SP9: variants seen among roughly 807,000 people sequenced by gnomAD.
SP9 encodes Sp9 transcription factor.
In SP9, 5 loss-of-function variants were observed where a neutral mutation model predicts 23.0. The observed-to-expected ratio is 0.22, with a 90% CI of 0.11 to 0.46. SP9 has a LOEUF of 0.46. SP9 is among the 20% of genes least tolerant of loss of function. The probability of loss-of-function intolerance (pLI) is 0.99; values close to 1 mark genes in which losing one functional copy is unlikely to be tolerated. For synonymous variants in SP9, 360 were observed against 356.5 expected, an observed-to-expected ratio of 1.01 and a Z score of -0.11; for missense variants, 542 against 724.0, an observed-to-expected ratio of 0.75 and a Z score of 2.88.
In SP9 at chr2:174,336,937, G is replaced by T. The variant is rs1413723227; in HGVS notation, c.852G>T (p.Ser284=). Reference sequence around the variant, plus strand: ...CCGCCGCCGCCAGCGCCATGATATCGGGCGCCGCGGCTGCCGCCGCCGGGG... The same window carrying T: ...CCGCCGCCGCCAGCGCCATGATATCTGGCGCCGCGGCTGCCGCCGCCGGGG... ...VAAAAASAMI[S]GAAAAAAGGS... is the part of the protein sequence containing the mutation. Residue 284 remains serine, a synonymous_variant, in exon 2 of 2, where the codon TCG becomes TCT. Transcript: ENST00000394967. The T allele has an allele frequency of 6.4e-5, 94 of 1,459,484 alleles. No individual in the cohort carries two copies. Among genetic ancestry groups the T allele is most frequent in the Non-Finnish European group, 7.9e-5 (88 of 1,116,840 alleles). 90.4% of individuals were successfully genotyped at this position (1,459,484 alleles called of 1,614,324 possible).
chr2:174,338,142 C>A lies in SP9; in HGVS notation c.*602C>A, dbSNP rs1684450493. On this transcript the variant is annotated 3_prime_UTR_variant, in exon 2 of 2. Transcript: ENST00000394967. ...GAGACTTTTTTCCTAAAAAAGGAAGCATCAAAAGGCTTAAGGTGAGAAATT... is the reference window on the plus strand; with the variant it reads ...GAGACTTTTTTCCTAAAAAAGGAAGAATCAAAAGGCTTAAGGTGAGAAATT... 6.6e-6 allele frequency: 1 copy of A among 152,162 alleles called. No homozygotes were observed. Among genetic ancestry groups the A allele is most frequent in the Admixed American group, 6.5e-5 (1 of 15,278 alleles). 9.4% of individuals were successfully genotyped at this position (152,162 alleles called of 1,614,324 possible). A position where few individuals can be genotyped will look rare whatever the true frequency, so the allele number is the denominator to read the frequency against.
Position 174,337,748 on chromosome 2 carries a change from G to T in SP9, c.*208G>T, listed in dbSNP as rs1467388297. 2 of 464,902 alleles carry T rather than the reference G, an allele frequency of 4.3e-6. No homozygotes were observed. The highest frequency in any genetic ancestry group is 5.8e-6 in the Non-Finnish European group (2 of 342,714). 28.8% of individuals were successfully genotyped at this position (464,902 alleles called of 1,614,324 possible). A position where few individuals can be genotyped will look rare whatever the true frequency, so the allele number is the denominator to read the frequency against. On this transcript the variant is annotated 3_prime_UTR_variant, in exon 2 of 2. Coordinates refer to ENST00000394967, the MANE Select transcript of SP9 (RefSeq NM_001145250.2). ...AGCTCCCCTCTGCCTTCCGCGCCCGGATAAGAATCGAACGCGTGGTCCGGA... is the reference window on the plus strand; with the variant it reads ...AGCTCCCCTCTGCCTTCCGCGCCCGTATAAGAATCGAACGCGTGGTCCGGA...
rs1055716034 is a variant in SP9 at position 174,335,130 on chromosome 2, G to A, written c.21+17G>A. ...ATACTCGGGGTAAGTCGCAAGCGCG[G>A]CAACGCATTTGCTTGTTTTAACCGG... On this transcript the variant is annotated intron_variant, in intron 1 of 1. Coordinates refer to ENST00000394967, the MANE Select transcript of SP9 (RefSeq NM_001145250.2). The A allele has an allele frequency of 3.2e-6, 5 of 1,551,636 alleles. No individual in the cohort carries two copies. The highest frequency in any genetic ancestry group is 2.6e-6 in the Non-Finnish European group (3 of 1,147,000).
rs1462864218 is a variant in SP9 at position 174,337,529 on chromosome 2, A to C, written c.1444A>C (p.Asn482His). Reference sequence around the variant, plus strand: ...AGGCAAGGAAGCAGCGTCTGGCCCCAACGACTCTTAGAGGCCGGGCGAGAG... The same window carrying C: ...AGGCAAGGAAGCAGCGTCTGGCCCCCACGACTCTTAGAGGCCGGGCGAGAG... ...AGGKEAASGP[N>H]DS The change falls in exon 2 of 2, where the codon AAC becomes CAC. Residue 482 changes from asparagine (N) to histidine (H), a missense_variant. Physicochemically the swap from Asn to His is moderately conservative, Grantham distance 68. This residue lies in a region of SP9 where 55 missense variants were observed against 56.1 expected (regional missense o/e 0.98). Transcript: ENST00000394967. The C allele has an allele frequency of 1.7e-6, 2 of 1,164,450 alleles. No homozygotes were observed. The highest frequency in any genetic ancestry group is 2.1e-6 in the Non-Finnish European group (2 of 943,154). 72.1% of individuals were successfully genotyped at this position (1,164,450 alleles called of 1,614,324 possible).
At position 174,336,370 on chromosome 2, in the gene SP9, G is replaced by T; in HGVS notation, c.285G>T (p.Ser95=). The T allele has an allele frequency of 4.0e-6, 6 of 1,494,394 alleles. No homozygotes were observed. The highest frequency in any genetic ancestry group is 5.3e-6 in the Non-Finnish European group (6 of 1,130,174). 92.6% of individuals were successfully genotyped at this position (1,494,394 alleles called of 1,614,324 possible). A position where few individuals can be genotyped will look rare whatever the true frequency, so the allele number is the denominator to read the frequency against. The change falls in exon 2 of 2, where the codon TCG becomes TCT. Residue 95 remains serine (S), a synonymous_variant. Coordinates refer to ENST00000394967, the MANE Select transcript of SP9 (RefSeq NM_001145250.2). ...ANSAFCLAST[S]PTSSAFSSDY... is the part of the protein sequence containing the mutation. ...GCGCCTTCTGCCTGGCCTCCACGTC[G>T]CCCACGTCGTCCGCCTTCAGCAGCG...
chr2:174,336,186 C>A lies in SP9; in HGVS notation c.101C>A (p.Thr34Lys). Residue 34 changes from threonine (T) to lysine (K), a missense_variant, in exon 2 of 2, where the codon ACG becomes AAG. This residue lies in a region of SP9 where 201 missense variants were observed against 226.3 expected (regional missense o/e 0.89). Coordinates refer to ENST00000394967, the MANE Select transcript of SP9 (RefSeq NM_001145250.2). ...AAGATCGGCAACACGAGCCCGCTGACGACGCTGCCAGAGTCGAGCGCCTTC... is the reference window on the plus strand; with the variant it reads ...AAGATCGGCAACACGAGCCCGCTGAAGACGCTGCCAGAGTCGAGCGCCTTC... ...CNKIGNTSPLTTLPESSAFAK... is the reference protein window; with the variant it reads ...CNKIGNTSPLKTLPESSAFAK... 1.3e-6 allele frequency: 2 copies of A among 1,550,770 alleles called. No homozygotes were observed. The highest frequency in any genetic ancestry group is 1.7e-6 in the Non-Finnish European group (2 of 1,146,590).
chr2:174,337,785 A>G lies in SP9; in HGVS notation c.*245A>G, dbSNP rs1192864137. 2.4e-5 allele frequency: 6 copies of G among 252,190 alleles called. No homozygotes were observed. The highest frequency in any genetic ancestry group is 4.0e-5 in the Non-Finnish European group (6 of 151,670). The allele number at this position is 252,190 out of a possible 1,614,324, so 15.6% of individuals were successfully genotyped here. On this transcript the variant is annotated 3_prime_UTR_variant, in exon 2 of 2. Coordinates refer to ENST00000394967, the MANE Select transcript of SP9 (RefSeq NM_001145250.2). ...ACGCGTGGTCCGGAAACAAAAGCGA[A>G]CCATCCTCCGACACAAACACTTTAA...
rs900213065 is a variant in SP9 at position 174,335,001 on chromosome 2, ACGCGGGAGCCG to A, written c.-84_-74del. ...GAGTCCGCTCGGCACGAGCGCGGGG[ACGCGGGAGCCG>A]CGCGGGACCCAAGCAGTTTTTCCGA... On this transcript the variant is annotated 5_prime_UTR_variant, in exon 1 of 2. Transcript: ENST00000394967. The A allele has an allele frequency of 7.0e-7, 1 of 1,437,422 alleles. No individual in the cohort carries two copies. 89.0% of individuals were successfully genotyped at this position (1,437,422 alleles called of 1,614,324 possible).
rs1442492007 is a variant in SP9, at chr2:174,337,997, C to T, written c.*457C>T. The T allele has an allele frequency of 6.6e-6, 1 of 152,232 alleles. No individual in the cohort carries two copies. The highest frequency in any genetic ancestry group is 6.5e-5 in the Admixed American group (1 of 15,280). The allele number at this position is 152,232 out of a possible 1,614,324, so 9.4% of individuals were successfully genotyped here. On this transcript the variant is annotated 3_prime_UTR_variant, in exon 2 of 2. Transcript: ENST00000394967. Reference sequence around the variant, plus strand: ...CTCTTTCCTTTTCTCAAAAACAAGCCACCACCCAGCAAAGGACTGTCAGAA... The same window carrying T: ...CTCTTTCCTTTTCTCAAAAACAAGCTACCACCCAGCAAAGGACTGTCAGAA...
In SP9 at chr2:174,337,727, C is replaced by A; in HGVS notation, c.*187C>A. Reference sequence around the variant, plus strand: ...CGGTTCGCCCGCTGTGCGAGGAGCTCCCCTCTGCCTTCCGCGCCCGGATAA... The same window carrying A: ...CGGTTCGCCCGCTGTGCGAGGAGCTACCCTCTGCCTTCCGCGCCCGGATAA... On this transcript the variant is annotated 3_prime_UTR_variant, in exon 2 of 2. Transcript: ENST00000394967. 2.9e-6 allele frequency: 2 copies of A among 681,590 alleles called. No homozygotes were observed. Among genetic ancestry groups the A allele is most frequent in the Non-Finnish European group, 3.7e-6 (2 of 538,638 alleles). The allele number at this position is 681,590 out of a possible 1,614,324, so 42.2% of individuals were successfully genotyped here.
At position 174,337,222 on chromosome 2, in the gene SP9, G is replaced by A. The variant is rs1381576560; in HGVS notation, c.1137G>A (p.Leu379=). 6.3e-7 allele frequency: 1 copy of A among 1,594,046 alleles called. No individual in the cohort carries two copies. Among genetic ancestry groups the A allele is most frequent in the Non-Finnish European group, 8.5e-7 (1 of 1,170,902 alleles). The change falls in exon 2 of 2, where the codon CTG becomes CTA. Residue 379 remains leucine, a synonymous_variant. Coordinates refer to ENST00000394967, the MANE Select transcript of SP9 (RefSeq NM_001145250.2). ...CGKRFTRSDE[L]QRHLRTHTGE... ...AGCGCTTCACGCGCTCGGACGAGCT[G>A]CAGCGGCATCTGCGGACTCACACGG... is the stretch of plus-strand genomic sequence containing the variant.
rs748218536 is a variant in SP9, at chr2:174,337,123, G to A, written c.1038G>A (p.Thr346=). 295 of 1,605,764 alleles carry A rather than the reference G, an allele frequency of 1.8e-4. No individual in the cohort carries two copies. Among genetic ancestry groups the A allele is most frequent in the Non-Finnish European group, 2.4e-4 (287 of 1,177,256 alleles). ...GCTGCGGCAAGGTGTACGGGAAGAC[G>A]TCGCACCTGAAGGCGCACCTGCGCT... ...IPGCGKVYGK[T]SHLKAHLRWH... is the part of the protein sequence containing the mutation. The change falls in exon 2 of 2, where the codon ACG becomes ACA. Residue 346 remains threonine (T), a synonymous_variant. Coordinates refer to ENST00000394967, the MANE Select transcript of SP9 (RefSeq NM_001145250.2).
rs1347862990 is a variant in SP9, at chr2:174,337,021, C to A, written c.936C>A (p.Asn312Lys). Residue 312 changes from asparagine to lysine, a missense_variant, in exon 2 of 2, where the codon AAC (asparagine) becomes AAA (lysine). Asn to Lys is a moderately conservative substitution (Grantham distance 94, BLOSUM62 0). Transcript: ENST00000394967. ...GCCGCGCCACCTGCGACTGCCCCAA[C>A]TGCCAGGAGGCGGAGCGGCTGGGCC... ...YSGRATCDCP[N>K]CQEAERLGPA... 2 of 1,504,778 alleles carry A rather than the reference C, an allele frequency of 1.3e-6. No homozygotes were observed. The highest frequency in any genetic ancestry group is 2.2e-5 in the Admixed American group (1 of 45,928). The allele number at this position is 1,504,778 out of a possible 1,614,324, so 93.2% of individuals were successfully genotyped here. A position where few individuals can be genotyped will look rare whatever the true frequency, so the allele number is the denominator to read the frequency against.
chr2:174,336,286 G>T lies in SP9; in HGVS notation c.201G>T (p.Ala67=). The T allele has an allele frequency of 6.6e-7, 1 of 1,523,514 alleles. No homozygotes were observed. Among genetic ancestry groups the T allele is most frequent in the South Asian group, 1.2e-5 (1 of 82,438 alleles). The allele number at this position is 1,523,514 out of a possible 1,614,324, so 94.4% of individuals were successfully genotyped here. A position where few individuals can be genotyped will look rare whatever the true frequency, so the allele number is the denominator to read the frequency against. Residue 67 remains alanine, a synonymous_variant, in exon 2 of 2, where the codon GCG becomes GCT. Transcript: ENST00000394967. The part of the protein sequence containing the change: ...CNLGSSLSGF[A]VATGGRGSGG... The stretch of plus-strand genomic sequence containing the variant: ...TCGGCTCCAGCCTCTCGGGCTTCGC[G>T]GTGGCCACCGGGGGCCGTGGCTCGG...
rs888880319 is a variant in SP9, at chr2:174,337,601, T to G, written c.*61T>G. The G allele has an allele frequency of 6.4e-5, 70 of 1,102,352 alleles. No homozygotes were observed. The highest frequency in any genetic ancestry group is 5.7e-4 in the Admixed American group (11 of 19,376). The allele number at this position is 1,102,352 out of a possible 1,614,324, so 68.3% of individuals were successfully genotyped here. ...GAGACACCGAGAACGAACGAGAGGT[T>G]CGGAGGGCGAGCGAGCGGGAGGCGG... On this transcript the variant is annotated 3_prime_UTR_variant, in exon 2 of 2. Transcript: ENST00000394967.
In SP9 at chr2:174,335,021, C is replaced by A; in HGVS notation, c.-72C>A. On this transcript the variant is annotated 5_prime_UTR_variant, in exon 1 of 2. Coordinates refer to ENST00000394967, the MANE Select transcript of SP9 (RefSeq NM_001145250.2). ...CGGGGACGCGGGAGCCGCGCGGGACCCAAGCAGTTTTTCCGAGCAGCCGCC... is the reference window on the plus strand; with the variant it reads ...CGGGGACGCGGGAGCCGCGCGGGACACAAGCAGTTTTTCCGAGCAGCCGCC... 1 of 1,525,194 alleles carries A rather than the reference C, an allele frequency of 6.6e-7. No homozygotes were observed. The allele number at this position is 1,525,194 out of a possible 1,614,324, so 94.5% of individuals were successfully genotyped here.
Position 174,336,632 on chromosome 2 carries a change from G to C in SP9, c.547G>C (p.Val183Leu). 6.8e-7 allele frequency: 1 copy of C among 1,479,472 alleles called. No homozygotes were observed. Among genetic ancestry groups the C allele is most frequent in the Non-Finnish European group, 8.9e-7 (1 of 1,119,958 alleles). The allele number at this position is 1,479,472 out of a possible 1,614,324, so 91.6% of individuals were successfully genotyped here. ...TNGAASSWWD[V>L]HSSPGSWLEV... ...CGGCGCGGCGTCGTCGTGGTGGGAC[G>C]TGCACAGCAGCCCGGGCTCGTGGCT... is the stretch of plus-strand genomic sequence containing the variant. Residue 183 changes from valine (V) to leucine (L), a missense_variant, in exon 2 of 2, where the codon GTG becomes CTG. Transcript: ENST00000394967.
chr2:174,335,351 G>C (rs373606857), intron 1 of SP9: 86 of 539,968 alleles, frequency 1.6e-4, no homozygotes, highest in East Asian at 1.5e-3. Context: ...TCAAAAAAAA[G>C]CTAGAGGTTT....
At chr2:174,335,820 G>A in intron 1 of SP9, 1 of 421,504 alleles carries the variant, frequency 2.4e-6, no homozygotes, top group Non-Finnish European at 4.2e-6. Context: ...ACCCAAGTCC[G>A]GTTGTAGGCA....
Sources: allele counts gnomAD v4.1 joint callset, GRCh38; gene constraint gnomAD v4.1.1; regional missense constraint gnomAD v4.1.1; transcripts MANE v1.5; gene names NCBI Gene and HGNC (gene_info 2026-07-23, HGNC 2026-07-21).